The following MCM10 variants were observed in gnomAD, a reference collection of about 807,000 sequenced individuals.
MCM10 encodes the protein protein MCM10 homolog.
In MCM10, 91 loss-of-function variants were observed where a neutral mutation model predicts 109.9. The observed-to-expected ratio is 0.83, with a 90% CI of 0.70 to 0.99. MCM10 has a LOEUF of 0.99. Ranked by LOEUF, MCM10 falls within the 50% of genes least tolerant of loss-of-function variation. The pLI is 0.00. For synonymous variants in MCM10, 380 were observed against 387.2 expected, an observed-to-expected ratio of 0.98 and a Z score of 0.22; for missense variants, 1,077 against 1,061.2, an observed-to-expected ratio of 1.01 and a Z score of -0.21.
At position 13,180,145 on chromosome 10, in the gene MCM10, G is replaced by A. The variant is rs931883748; in HGVS notation, c.765-297G>A. Among the ~76,000 whole-genome samples, 19 of 152,190 alleles carry A rather than the reference G, an allele frequency of 1.2e-4. No homozygotes were observed. In the East Asian group the frequency reaches 3.5e-3, roughly 28 times the overall value. On this transcript the variant is annotated intron_variant, in intron 6 of 19. Coordinates refer to ENST00000378714, the MANE Select transcript of MCM10 (RefSeq NM_018518.5). The stretch of plus-strand genomic sequence containing the variant: ...ACATGCCTGTAGTCCCAGCTACTCA[G>A]GAGGCTGAGGCAGGAGAATCACTTG...
chr10:13,174,538 A>G (rs1834115595), intron 5 of MCM10, among the ~76,000 whole-genome samples: 3 of 152,200 alleles, frequency 2.0e-5, no homozygotes, highest in Non-Finnish European at 1.5e-5. Context: ...ACATCATTGC[A>G]TAGAGAATCA....
At chr10:13,164,325 T>C (rs1227773414) in intron 2 of MCM10, 116 bp downstream of exon 2, 25 of 970,218 alleles carry the variant, frequency 2.6e-5, no homozygotes, top group Admixed American at 1.2e-4. Flanking sequence ...CCTCAGGTAT[T>C]GTCTTAGTGG....
intron 1 of MCM10, among the ~76,000 whole-genome samples, chr10:13,162,122 G>C (rs1243111278): frequency 6.6e-6 from 1 of 152,136 alleles, no homozygotes; most frequent in African/African-American, 2.4e-5. Flanking sequence ...AGAAGGACCT[G>C]GGGGGAGCTT....
At chr10:13,191,229 T>C in intron 10 of MCM10, 70 bp from the exon 11 acceptor site, 1 of 984,388 alleles carries the variant, frequency 1.0e-6, no homozygotes, top group Non-Finnish European at 1.6e-6. Context: ...ATGATATCTA[T>C]GCCTTCTTTA....
chr10:13,176,790 G>T (rs1834147111), intron 6 of MCM10, among the ~76,000 whole-genome samples: 1 of 152,128 alleles, frequency 6.6e-6, no homozygotes, highest in Non-Finnish European at 1.5e-5. Flanking sequence ...CTACCTGGGG[G>T]TGCTGAGGCA....
chr10:13,180,490 A>G lies in MCM10; in HGVS notation c.813A>G (p.Arg271=), dbSNP rs775769634. The part of the protein sequence containing the change: ...STEMNKKMTG[R]KLIRLSQIKE... Reference sequence around the variant, plus strand: ...AAATGAACAAGAAAATGACCGGCCGAAAACTGATCAGACTGTCTCAGATCA... The same window carrying G: ...AAATGAACAAGAAAATGACCGGCCGGAAACTGATCAGACTGTCTCAGATCA... The change falls in exon 7 of 20, where the codon CGA becomes CGG. Residue 271 remains arginine, a synonymous_variant. Coordinates refer to ENST00000378714, the MANE Select transcript of MCM10 (RefSeq NM_018518.5). The G allele has an allele frequency of 2.7e-5, 43 of 1,614,052 alleles. 1 individual carries two copies. In the South Asian group the frequency reaches 4.3e-4, roughly 16 times the overall value.
rs905093404 is a variant in MCM10, at chr10:13,211,002, G to A, written c.*1692G>A. On this transcript the variant is annotated 3_prime_UTR_variant, in exon 20 of 20. Coordinates refer to ENST00000378714, the MANE Select transcript of MCM10 (RefSeq NM_018518.5). ...TGCAGTCAGTATTCACGTGTATATT[G>A]TTATATAAGTTGTATAATATGCTTG... The A allele has an allele frequency of 1.8e-4, 27 of 152,164 alleles. No homozygotes were observed. Among genetic ancestry groups the A allele is most frequent in the African/African-American group, 6.0e-4 (25 of 41,442 alleles). 9.4% of individuals were successfully genotyped at this position (152,164 alleles called of 1,614,324 possible).
chr10:13,205,011 T>C (rs1834557073), intron 18 of MCM10, among the ~76,000 whole-genome samples: 2 of 8,942 alleles, frequency 2.2e-4, no homozygotes, highest in Admixed American at 1.1e-3. Flanking sequence ...TGTATATATA[T>C]ATATATATAT....
chr10:13,201,348 G>T, intron 16 of MCM10, 73 bp from the exon 17 acceptor site: 1 of 875,902 alleles, frequency 1.1e-6, no homozygotes, highest in Non-Finnish European at 1.9e-6. Flanking sequence ...TAATCATCGA[G>T]TTACTCTTAC....
chr10:13,178,154 C>A (rs1246833848), intron 6 of MCM10, among the ~76,000 whole-genome samples: 1 of 152,126 alleles, frequency 6.6e-6, no homozygotes, highest in African/African-American at 2.4e-5. Flanking sequence ...AGTACAGTAT[C>A]GTGATCTCAG....
intron 13 of MCM10, 89 bp downstream of exon 13, chr10:13,192,657 C>A: frequency 1.6e-6 from 2 of 1,233,680 alleles, no homozygotes; most frequent in Admixed American, 1.9e-5. Context: ...AATGTGACTT[C>A]AGGTTTCGGT....
chr10:13,175,160 G>A (rs1834124309), intron 5 of MCM10, among the ~76,000 whole-genome samples: 1 of 152,020 alleles, frequency 6.6e-6, no homozygotes, highest in Non-Finnish European at 1.5e-5. Context: ...GTGTGCGTGT[G>A]CAATGTCTCA....
chr10:13,186,361 G>T, intron 9 of MCM10, 81 bp downstream of exon 9: 1 of 912,188 alleles, frequency 1.1e-6, no homozygotes, highest in Non-Finnish European at 1.7e-6. Context: ...TAGCTGTGAT[G>T]ACCAGTTTGG....
chr10:13,176,791 T>G (rs1368857555), intron 6 of MCM10, among the ~76,000 whole-genome samples: 1 of 151,928 alleles, frequency 6.6e-6, no homozygotes, highest in Non-Finnish European at 1.5e-5. Context: ...TACCTGGGGG[T>G]GCTGAGGCAG....
chr10:13,178,758 T>C (rs1291869383), intron 6 of MCM10, among the ~76,000 whole-genome samples: 2 of 152,242 alleles, frequency 1.3e-5, no homozygotes, highest in Admixed American at 1.3e-4. Flanking sequence ...TCATTGGTAC[T>C]TTGATGGAGA....
At chr10:13,196,948 A>G (rs968968751) in intron 14 of MCM10, among the ~76,000 whole-genome samples, 2 of 151,988 alleles carry the variant, frequency 1.3e-5, no homozygotes, top group African/African-American at 4.8e-5. Flanking sequence ...GTTTTGAGAC[A>G]GGGTCTCACT....
chr10:13,165,612 T>C (rs1833985715), intron 2 of MCM10, among the ~76,000 whole-genome samples: 1 of 152,084 alleles, frequency 6.6e-6, no homozygotes, highest in African/African-American at 2.4e-5. Flanking sequence ...CGGTGGCTCA[T>C]GCCTGTAATC....
chr10:13,182,857 A>G lies in MCM10; in HGVS notation c.931-76A>G. 1 of 1,178,116 alleles carries G rather than the reference A, an allele frequency of 8.5e-7. No homozygotes were observed. Among genetic ancestry groups the G allele is most frequent in the Non-Finnish European group, 1.2e-6 (1 of 832,794 alleles). 73.0% of individuals were successfully genotyped at this position (1,178,116 alleles called of 1,614,324 possible). On this transcript the variant is annotated intron_variant, in intron 7 of 19. Coordinates refer to ENST00000378714, the MANE Select transcript of MCM10 (RefSeq NM_018518.5). This position sits in a 1 kb window ranked among gnomAD's most constrained non-coding sequence, Gnocchi z 4.2. ...GGATTATAGGCATATAGTTTTCCATAGTAAAACTCTTGAATCATAAATGAG... is the reference window on the plus strand; with the variant it reads ...GGATTATAGGCATATAGTTTTCCATGGTAAAACTCTTGAATCATAAATGAG...
intron 5 of MCM10, among the ~76,000 whole-genome samples, chr10:13,173,755 C>T (rs1485175476): frequency 6.6e-6 from 1 of 152,250 alleles, no homozygotes; most frequent in Middle Eastern, 3.4e-3. Context: ...CCCCTCAGGA[C>T]CTTTGGCATT....
Sources: allele counts gnomAD v4.1 joint callset (sites outside exome capture counted in the v4.1 genomes callset), GRCh38; gene constraint gnomAD v4.1.1; non-coding constraint Gnocchi (gnomAD v3.1); transcripts MANE v1.5; gene names NCBI Gene and HGNC (gene_info 2026-07-23, HGNC 2026-07-21).